Variants in EIF4G3 observed in about 807,000 individuals in gnomAD.
EIF4G3 encodes eukaryotic translation initiation factor 4 gamma 3.
EIF4G3 carries 34 observed loss-of-function variants against 186.4 expected under a neutral mutation model. The observed-to-expected ratio is 0.18, with a 90% confidence interval of 0.14 to 0.24. The LOEUF is 0.24. EIF4G3 is among the 10% of genes least tolerant of loss of function. EIF4G3 has a pLI of 1.00. For missense variants in EIF4G3, 1,536 were observed against 1,948.5 expected (o/e 0.79, Z 3.99); for synonymous variants, 673 against 679.5 (o/e 0.99, Z 0.15).
chr1:20,922,617 G>A (rs1452512503), intron 14 of EIF4G3, among the ~76,000 whole-genome samples: 2 of 152,174 alleles, frequency 1.3e-5, no homozygotes, highest in African/African-American at 4.8e-5. Context: ...ACCTATTTAA[G>A]AACATGTGCT....
chr1:21,011,305 C>A (rs2087005711), intron 4 of EIF4G3, among the ~76,000 whole-genome samples: 1 of 150,734 alleles, frequency 6.6e-6, no homozygotes, highest in African/African-American at 2.4e-5. Context: ...AGGTAATTGA[C>A]AAAAGAATGT....
chr1:20,888,051 A>G (rs2084792252), intron 18 of EIF4G3, among the ~76,000 whole-genome samples: 1 of 152,192 alleles, frequency 6.6e-6, no homozygotes, highest in African/African-American at 2.4e-5. Flanking sequence ...TTATGTCAAA[A>G]CCAATTAAGA....
chr1:20,909,864 C>T (rs1314922454), intron 14 of EIF4G3, among the ~76,000 whole-genome samples: 1 of 151,352 alleles, frequency 6.6e-6, no homozygotes, highest in Non-Finnish European at 1.5e-5. Context: ...TCACTGTAGC[C>T]CCAGACTCCT....
intron 18 of EIF4G3, among the ~76,000 whole-genome samples, chr1:20,886,940 C>T (rs1470289085): frequency 6.6e-6 from 1 of 152,120 alleles, no homozygotes; most frequent in African/African-American, 2.4e-5. Flanking sequence ...TGCTCTGTTC[C>T]TGCTGGATTC....
chr1:21,054,331 G>GGAAGGC (rs546464445), intron 3 of EIF4G3, among the ~76,000 whole-genome samples: 1 of 95,780 alleles, frequency 1.0e-5, no homozygotes, highest in Non-Finnish European at 2.4e-5. Flanking sequence ...CACAAACACT[G>GGAAGGC]CGGAAGGCCG....
chr1:20,892,508 T>C (rs1572302342), intron 18 of EIF4G3: 5 of 818,202 alleles, frequency 6.1e-6, no homozygotes, highest in South Asian at 1.5e-5. Flanking sequence ...CTTTTGTACA[T>C]GTCATTTGTT....
At chr1:20,910,845 A>C (rs192479001) in intron 14 of EIF4G3, among the ~76,000 whole-genome samples, 100 of 152,320 alleles carry the variant, frequency 6.6e-4, no homozygotes, top group African/African-American at 2.3e-3. Flanking sequence ...TTCATTTATA[A>C]TCATGTAAAA....
At chr1:20,876,501 C>CA (rs1296642366) in intron 20 of EIF4G3, among the ~76,000 whole-genome samples, 2 of 140,030 alleles carry the variant, frequency 1.4e-5, no homozygotes, top group Non-Finnish European at 3.1e-5. Flanking sequence ...AAAGCAAAAC[C>CA]AAAAAAACCT....
chr1:20,900,008 A>G, intron 15 of EIF4G3, 65 bp from the exon 16 acceptor site: 1 of 1,469,568 alleles, frequency 6.8e-7, no homozygotes. Context: ...ATAAAAACCT[A>G]CATCTACTCC....
At chr1:20,959,139 T>C (rs1210275752) in intron 12 of EIF4G3, among the ~76,000 whole-genome samples, 1 of 143,792 alleles carries the variant, frequency 7.0e-6, no homozygotes, top group Non-Finnish European at 1.6e-5. Flanking sequence ...TTACTTCAAA[T>C]CATACAAGGT....
intron 2 of EIF4G3, among the ~76,000 whole-genome samples, chr1:21,089,723 G>A (rs2096119144): frequency 1.3e-5 from 2 of 148,750 alleles, no homozygotes; most frequent in South Asian, 4.2e-4. Flanking sequence ...AGTTTAACAA[G>A]TTGCAATTAG....
At chr1:20,914,320 T>G (rs2093625324) in intron 14 of EIF4G3, among the ~76,000 whole-genome samples, 1 of 152,002 alleles carries the variant, frequency 6.6e-6, no homozygotes, top group Non-Finnish European at 1.5e-5. Flanking sequence ...TTATCCTAGA[T>G]TAACCCAGTG....
At chr1:21,035,213 CA>C (rs1571413189) in intron 4 of EIF4G3, among the ~76,000 whole-genome samples, 1 of 152,196 alleles carries the variant, frequency 6.6e-6, no homozygotes, top group East Asian at 1.9e-4. Context: ...GCCAAAGGTT[CA>C]TTTGTGCAGG....
At chr1:20,867,304 T>A (rs1437612779) in intron 20 of EIF4G3, among the ~76,000 whole-genome samples, 1 of 152,198 alleles carries the variant, frequency 6.6e-6, no homozygotes, top group Non-Finnish European at 1.5e-5. Flanking sequence ...AGAAACTGAA[T>A]CCCAGCTCTT....
chr1:21,019,222 T>A (rs1448433802), intron 4 of EIF4G3, among the ~76,000 whole-genome samples: 1 of 152,196 alleles, frequency 6.6e-6, no homozygotes, highest in East Asian at 1.9e-4. Context: ...ACAACAATAT[T>A]ACTCTAGCAC....
intron 33 of EIF4G3, among the ~76,000 whole-genome samples, chr1:20,824,475 G>A (rs540697628): frequency 7.9e-4 from 121 of 152,220 alleles, no homozygotes; most frequent in Non-Finnish European, 1.4e-3. Flanking sequence ...AACGTTTTGA[G>A]AGAGTTTTGT....
At chr1:21,010,937 A>G (rs2086865069) in intron 4 of EIF4G3, among the ~76,000 whole-genome samples, 1 of 152,218 alleles carries the variant, frequency 6.6e-6, no homozygotes, top group African/African-American at 2.4e-5. Flanking sequence ...TGTGGTCCAC[A>G]GAGTCCTGGG....
chr1:20,897,699 C>T (rs939066450), intron 16 of EIF4G3, among the ~76,000 whole-genome samples: 1 of 151,874 alleles, frequency 6.6e-6, no homozygotes, highest in African/African-American at 2.4e-5. Flanking sequence ...TCTTTATTAC[C>T]CTATTATATT....
intron 3 of EIF4G3, among the ~76,000 whole-genome samples, chr1:21,066,692 GT>G (rs2095254892): frequency 6.6e-6 from 1 of 152,172 alleles, no homozygotes; most frequent in African/African-American, 2.4e-5. Flanking sequence ...AAAGTTTACA[GT>G]AAAAACTGAT....
Sources: gnomAD v4.1 joint callset for allele counts (sites outside exome capture counted in the v4.1 genomes callset) on GRCh38, gnomAD v4.1.1 for gene constraint, MANE v1.5 for transcripts, NCBI Gene and HGNC (gene_info 2026-07-23, HGNC 2026-07-21) for gene names.